AIG1: variants seen among roughly 807,000 people sequenced by gnomAD.
AIG1 encodes the protein androgen induced 1.
In AIG1, 23 loss-of-function variants were observed where a neutral mutation model predicts 31.4. The observed-to-expected ratio is 0.73, with a 90% confidence interval of 0.53 to 1.04. AIG1 has a LOEUF of 1.04. Among genes scored for constraint, AIG1 ranks in the 50% least tolerant of loss-of-function variants. AIG1 has a pLI of 0.00. For synonymous variants in AIG1, 100 were observed against 110.5 expected (o/e 0.90, Z 0.60); for missense variants, 274 against 295.0 (o/e 0.93, Z 0.52).
chr6:143,234,761 CT>C (rs1157741500), intron 3 of AIG1, among the ~76,000 whole-genome samples: 1 of 152,120 alleles, frequency 6.6e-6, no homozygotes, highest in Non-Finnish European at 1.5e-5. Context: ...CAGAATTAGA[CT>C]CAGGAACCTA....
At chr6:143,323,940 C>A (rs1776416672) in intron 4 of AIG1, among the ~76,000 whole-genome samples, 1 of 152,100 alleles carries the variant, frequency 6.6e-6, no homozygotes, top group South Asian at 2.1e-4. Flanking sequence ...AAAATTAGAC[C>A]ATTAGGTCTC....
intron 1 of AIG1, among the ~76,000 whole-genome samples, chr6:143,090,287 A>ATCTG (rs1391935362): frequency 6.8e-6 from 1 of 146,620 alleles, no homozygotes; most frequent in East Asian, 1.9e-4. Flanking sequence ...CTATCTATCT[A>ATCTG]TCTGTCTTTC....
chr6:143,284,292 T>A lies in AIG1; in HGVS notation c.515+67T>A. On this transcript the variant is annotated intron_variant, in intron 4 of 5. Transcript: ENST00000357847. The surrounding 1 kb of genome is among the most constrained non-coding windows in gnomAD (Gnocchi z 4.4). ...TTGCACTGCTAAATTTGGGCACATA[T>A]TTCATTATGGATATAATCACTAACA... is the stretch of plus-strand genomic sequence containing the variant. 1 of 1,143,944 alleles carries A rather than the reference T, an allele frequency of 8.7e-7. No homozygotes were observed. The highest frequency in any genetic ancestry group is 1.3e-5 in the South Asian group (1 of 75,664). The allele number at this position is 1,143,944 out of a possible 1,614,324, so 70.9% of individuals were successfully genotyped here. A position where few individuals can be genotyped will look rare whatever the true frequency, so the allele number is the denominator to read the frequency against.
intron 3 of AIG1, among the ~76,000 whole-genome samples, chr6:143,176,033 G>T (rs535871777): frequency 6.6e-6 from 1 of 152,298 alleles, no homozygotes; most frequent in East Asian, 1.9e-4. Context: ...TTCCCCTAAG[G>T]AGGGGGCTTC....
At chr6:143,137,347 A>G (rs1193202162) in intron 2 of AIG1, among the ~76,000 whole-genome samples, 1 of 152,172 alleles carries the variant, frequency 6.6e-6, no homozygotes, top group African/African-American at 2.4e-5. Flanking sequence ...GGGCCCCCTA[A>G]TGACCTCATT....
intron 3 of AIG1, among the ~76,000 whole-genome samples, chr6:143,225,574 G>T (rs2128627055): frequency 6.6e-6 from 1 of 152,284 alleles, no homozygotes; most frequent in Non-Finnish European, 1.5e-5. Context: ...TGACAGTAAA[G>T]ATTCTAAAAC....
intron 3 of AIG1, among the ~76,000 whole-genome samples, 161 bp from the exon 4 acceptor site, chr6:143,283,949 A>C (rs997441491): frequency 6.6e-6 from 1 of 152,208 alleles, no homozygotes; most frequent in South Asian, 2.1e-4. Context: ...TCAACGCACT[A>C]TGTGGTTTTA....
chr6:143,136,114 G>T (rs574972516), intron 1 of AIG1, among the ~76,000 whole-genome samples: 41 of 151,866 alleles, frequency 2.7e-4, no homozygotes, highest in African/African-American at 8.0e-4. Context: ...TAGTTTTTTT[G>T]GGGGGGCGGT....
intron 1 of AIG1, among the ~76,000 whole-genome samples, chr6:143,088,303 G>C: frequency 6.6e-6 from 1 of 151,300 alleles, no homozygotes; most frequent in Non-Finnish European, 1.5e-5. Flanking sequence ...TACCTTTGCT[G>C]TTTTAAAATA....
intron 1 of AIG1, among the ~76,000 whole-genome samples, chr6:143,124,256 G>A (rs1562399819): frequency 6.6e-6 from 1 of 152,246 alleles, no homozygotes; most frequent in Admixed American, 6.5e-5. Flanking sequence ...CATTGCAGGA[G>A]GAAGGGCCTC....
upstream of AIG1, chr6:143,060,831 G>A (rs1265393258): frequency 1.3e-5 from 6 of 468,942 alleles, no homozygotes; most frequent in Non-Finnish European, 1.5e-5. Flanking sequence ...GCCCGCGCCC[G>A]CGCCCGGGTT....
chr6:143,238,947 C>T (rs1195560683), intron 3 of AIG1, among the ~76,000 whole-genome samples: 1 of 152,166 alleles, frequency 6.6e-6, no homozygotes, highest in Non-Finnish European at 1.5e-5. Context: ...GACATAATTA[C>T]CAGGATAGAT....
At chr6:143,308,867 A>C (rs1344175906) in intron 4 of AIG1, among the ~76,000 whole-genome samples, 6 of 152,180 alleles carry the variant, frequency 3.9e-5, no homozygotes, top group Non-Finnish European at 7.3e-5. Flanking sequence ...TTTCCCTTGT[A>C]GTTTTAGCCT....
chr6:143,338,947 A>C lies in AIG1; in HGVS notation c.680-692A>C, dbSNP rs957966370. 1.3e-5 allele frequency: 2 copies of C among 152,204 alleles called. No individual in the cohort carries two copies. The highest frequency in any genetic ancestry group is 2.4e-5 in the African/African-American group (1 of 41,452). 9.4% of individuals were successfully genotyped at this position (152,204 alleles called of 1,614,324 possible). A position where few individuals can be genotyped will look rare whatever the true frequency, so the allele number is the denominator to read the frequency against. ...TTAACTATAATTCCTAAAAATGATG[A>C]ACATTTTCATCTTCAGGAACATGAA... On this transcript the variant is annotated intron_variant, in intron 5 of 5. Coordinates refer to ENST00000357847, the MANE Select transcript of AIG1 (RefSeq NM_016108.4). This position sits in a 1 kb window ranked among gnomAD's most constrained non-coding sequence, Gnocchi z 4.3.
At chr6:143,066,783 TGAAA>T (rs1776752087) in intron 1 of AIG1, among the ~76,000 whole-genome samples, 1 of 152,360 alleles carries the variant, frequency 6.6e-6, no homozygotes, top group East Asian at 1.9e-4. Flanking sequence ...GTCCTTATGT[TGAAA>T]GAAAGGAGGT....
intron 3 of AIG1, chr6:143,188,121 A>G: frequency 9.9e-7 from 1 of 1,009,110 alleles, no homozygotes; most frequent in African/African-American, 1.7e-5. Context: ...AATGAAGGAT[A>G]AGCCGCAAAT....
At chr6:143,238,612 A>T (rs1054217769) in intron 3 of AIG1, among the ~76,000 whole-genome samples, 1 of 152,196 alleles carries the variant, frequency 6.6e-6, no homozygotes, top group African/African-American at 2.4e-5. Flanking sequence ...GTTTCATTTG[A>T]AAGGAAGAAA....
chr6:143,231,110 T>G (rs1793410193), intron 3 of AIG1, among the ~76,000 whole-genome samples: 1 of 152,222 alleles, frequency 6.6e-6, no homozygotes, highest in Admixed American at 6.5e-5. Context: ...TATAGTATTG[T>G]GTAAACTGTA....
intron 3 of AIG1, among the ~76,000 whole-genome samples, chr6:143,272,999 G>A (rs1274759602): frequency 1.3e-5 from 2 of 152,122 alleles, no homozygotes; most frequent in South Asian, 2.1e-4. Flanking sequence ...CATCGTGATC[G>A]GCACCTGTTA....
Sources: allele counts gnomAD v4.1 joint callset (sites outside exome capture counted in the v4.1 genomes callset), GRCh38; gene constraint gnomAD v4.1.1; non-coding constraint Gnocchi (gnomAD v3.1); transcripts MANE v1.5; gene names NCBI Gene and HGNC (gene_info 2026-07-23, HGNC 2026-07-21).